Variants in PKIB observed in about 807,000 individuals in gnomAD.
PKIB encodes the protein PKI-beta.
A neutral mutation model predicts 4.5 loss-of-function variants in PKIB; 2 were observed. The ratio of observed to expected loss-of-function variants is 0.44; its 90% CI spans 0.18 to 1.39. PKIB has a LOEUF of 1.39. PKIB is among the 40% of genes most tolerant of loss of function. PKIB has a pLI of 0.27. For missense variants in PKIB, 94 were observed against 92.6 expected, an observed-to-expected ratio of 1.02 and a Z score of -0.06; for synonymous variants, 38 against 36.0, an observed-to-expected ratio of 1.06 and a Z score of -0.20.
intron 2 of PKIB, among the ~76,000 whole-genome samples, chr6:122,581,360 C>T (rs557886890): frequency 6.6e-6 from 1 of 152,026 alleles, no homozygotes; most frequent in Non-Finnish European, 1.5e-5. Context: ...ATTTCTTTTA[C>T]AATATAAGAC....
At chr6:122,503,294 T>C (rs576011320) in intron 2 of PKIB, among the ~76,000 whole-genome samples, 14 of 152,280 alleles carry the variant, frequency 9.2e-5, no homozygotes, top group African/African-American at 3.1e-4. Context: ...CTTGTAGAGA[T>C]TCAAAAGTCA....
chr6:122,511,753 G>A (rs555113518), intron 2 of PKIB, among the ~76,000 whole-genome samples: 50 of 152,338 alleles, frequency 3.3e-4, no homozygotes, highest in Admixed American at 2.0e-3. Context: ...AACAGTGAAA[G>A]GGAGGCAGTA....
At chr6:122,486,924 A>G (rs1775783358) in intron 2 of PKIB, among the ~76,000 whole-genome samples, 1 of 145,452 alleles carries the variant, frequency 6.9e-6, no homozygotes, top group Middle Eastern at 3.3e-3. Context: ...CTTTTGCCAC[A>G]CTTGCTGTCT....
chr6:122,709,893 T>G (rs1779204675), intron 3 of PKIB, among the ~76,000 whole-genome samples: 2 of 152,184 alleles, frequency 1.3e-5, no homozygotes. Flanking sequence ...AATCCAGGTT[T>G]ACTACCCACA....
intron 2 of PKIB, among the ~76,000 whole-genome samples, chr6:122,537,315 C>CAATA: frequency 6.6e-6 from 1 of 152,096 alleles, no homozygotes; most frequent in African/African-American, 2.4e-5. Flanking sequence ...TATCCCTCCC[C>CAATA]CTCCCTGCAC....
chr6:122,612,526 T>C (rs1182011250), intron 1 of PKIB, among the ~76,000 whole-genome samples: 1 of 152,214 alleles, frequency 6.6e-6, no homozygotes, highest in Non-Finnish European at 1.5e-5. Flanking sequence ...CTGAACATTT[T>C]ATATAAATGG....
At chr6:122,639,165 T>C (rs1198118591) in intron 2 of PKIB, among the ~76,000 whole-genome samples, 1 of 152,208 alleles carries the variant, frequency 6.6e-6, no homozygotes, top group Non-Finnish European at 1.5e-5. Flanking sequence ...AGAATAAATC[T>C]TGTTAATGTT....
chr6:122,634,116 C>T (rs1775816866), intron 2 of PKIB, among the ~76,000 whole-genome samples: 1 of 151,914 alleles, frequency 6.6e-6, no homozygotes, highest in African/African-American at 2.4e-5. Context: ...GAACAGAAAA[C>T]CAAACACTGC....
chr6:122,567,321 T>G (rs1216576167), intron 2 of PKIB, among the ~76,000 whole-genome samples: 1 of 152,164 alleles, frequency 6.6e-6, no homozygotes, highest in Non-Finnish European at 1.5e-5. Context: ...CCCTTTGAAG[T>G]GTGTGCTTTA....
At chr6:122,660,816 A>T (rs1328284956) in intron 2 of PKIB, among the ~76,000 whole-genome samples, 1 of 152,186 alleles carries the variant, frequency 6.6e-6, no homozygotes, top group Non-Finnish European at 1.5e-5. Flanking sequence ...ATTGTAAATG[A>T]GAGAGAAAAC....
chr6:122,636,938 C>A (rs1206327359), intron 2 of PKIB, among the ~76,000 whole-genome samples: 1 of 152,084 alleles, frequency 6.6e-6, no homozygotes, highest in East Asian at 1.9e-4. Context: ...TAAGAAAGAC[C>A]ACATTTCATG....
At chr6:122,710,237 T>A (rs754319041) in intron 3 of PKIB, among the ~76,000 whole-genome samples, 153 of 151,994 alleles carry the variant, frequency 1.0e-3, no homozygotes, top group Non-Finnish European at 1.6e-3. Flanking sequence ...ACTGATGTCA[T>A]AAACCGCCAT....
chr6:122,583,505 C>T (rs992698011), intron 2 of PKIB, among the ~76,000 whole-genome samples: 3 of 152,020 alleles, frequency 2.0e-5, no homozygotes, highest in African/African-American at 4.8e-5. Context: ...CTTTAGGATT[C>T]TTCTTTGCTT....
chr6:122,477,593 C>T (rs916606575), intron 1 of PKIB, among the ~76,000 whole-genome samples: 1 of 152,032 alleles, frequency 6.6e-6, no homozygotes, highest in African/African-American at 2.4e-5. Flanking sequence ...CTTTTTTATT[C>T]ACCTGAATTT....
At chr6:122,483,557 T>C (rs949865306) in intron 2 of PKIB, 1 of 152,224 alleles carries the variant, frequency 6.6e-6, no homozygotes, top group Non-Finnish European at 1.5e-5. Context: ...AACATATGCA[T>C]TGTGCATGTA....
At chr6:122,515,864 C>T (rs1408645348) in intron 2 of PKIB, among the ~76,000 whole-genome samples, 3 of 152,010 alleles carry the variant, frequency 2.0e-5, no homozygotes, top group Non-Finnish European at 4.4e-5. Context: ...TACAGGCTCG[C>T]ACCACCACGC....
At chr6:122,622,723 C>T (rs1185858953) in intron 1 of PKIB, among the ~76,000 whole-genome samples, 1 of 152,140 alleles carries the variant, frequency 6.6e-6, no homozygotes, top group Non-Finnish European at 1.5e-5. Context: ...CTCACCCCTA[C>T]CGGAGAAGTA....
chr6:122,619,138 T>C (rs1775113783), intron 1 of PKIB, among the ~76,000 whole-genome samples: 1 of 145,510 alleles, frequency 6.9e-6, no homozygotes, highest in Non-Finnish European at 1.6e-5. Context: ...CTTTTGTATG[T>C]CTATTTTACA....
Position 122,725,410 on chromosome 6 carries a change from A to G in PKIB, c.*215A>G. ...AAAAGGCAGGTTACTTCCAAATCGC[A>G]CTGAAGGAAAAGGTTAAGAATAATA... On this transcript the variant is annotated 3_prime_UTR_variant, in exon 5 of 5. Coordinates refer to ENST00000368452, the MANE Select transcript of PKIB (RefSeq NM_181795.3). The G allele has an allele frequency of 5.8e-6, 3 of 521,536 alleles. No individual in the cohort carries two copies. The highest frequency in any genetic ancestry group is 6.5e-5 in the South Asian group (2 of 30,654). The allele number at this position is 521,536 out of a possible 1,614,324, so 32.3% of individuals were successfully genotyped here.
Sources: allele counts gnomAD v4.1 joint callset (sites outside exome capture counted in the v4.1 genomes callset), GRCh38; gene constraint gnomAD v4.1.1; transcripts MANE v1.5; gene names NCBI Gene and HGNC (gene_info 2026-07-23, HGNC 2026-07-21).